The following LUZP2 variants were observed in gnomAD, a reference collection of about 807,000 sequenced individuals.
LUZP2 encodes the protein leucine zipper protein 2.
Under a neutral mutation model 51.6 loss-of-function variants are expected in LUZP2, and 52 were observed. The ratio of observed to expected loss-of-function variants is 1.01; its 90% CI spans 0.81 to 1.27. The LOEUF (loss-of-function observed/expected upper bound fraction) is 1.27. Ranked by LOEUF, LUZP2 falls within the 50% of genes most tolerant of loss-of-function variation. The pLI, the probability that LUZP2 is intolerant of heterozygous loss-of-function variation, is 0.00. For missense variants in LUZP2, 436 were observed against 395.4 expected (o/e 1.10, Z -0.87); for synonymous variants, 154 against 137.3 (o/e 1.12, Z -0.85).
rs182010368 is a variant in LUZP2, at chr11:25,077,310, T to G, written c.859-19T>G. Reference sequence around the variant, plus strand: ...TTTCTTTAACTTCATTGATGTATTTTTAATTGCTACTTTTGTAGGAGGGCA... The same window carrying G: ...TTTCTTTAACTTCATTGATGTATTTGTAATTGCTACTTTTGTAGGAGGGCA... On this transcript the variant is annotated intron_variant, in intron 10 of 11. Coordinates refer to ENST00000336930, the MANE Select transcript of LUZP2 (RefSeq NM_001009909.4). The G allele has an allele frequency of 1.9e-4, 295 of 1,593,748 alleles. No homozygotes were observed. Among genetic ancestry groups the G allele is most frequent in the Non-Finnish European group, 2.4e-4 (275 of 1,162,252 alleles).
chr11:24,961,121 A>G (rs1855385900), intron 7 of LUZP2, among the ~76,000 whole-genome samples: 1 of 152,086 alleles, frequency 6.6e-6, no homozygotes, highest in African/African-American at 2.4e-5. Flanking sequence ...ATAGTTTGTT[A>G]TAATTTCTGT....
chr11:24,706,868 G>A (rs1340662462), intron 1 of LUZP2, among the ~76,000 whole-genome samples: 3 of 151,288 alleles, frequency 2.0e-5, no homozygotes, highest in African/African-American at 7.3e-5. Flanking sequence ...CTCCTTCAGG[G>A]AACCTCTCTC....
At chr11:24,556,107 C>T (rs1054169782) in intron 1 of LUZP2, among the ~76,000 whole-genome samples, 1 of 152,166 alleles carries the variant, frequency 6.6e-6, no homozygotes, top group Admixed American at 6.5e-5. Flanking sequence ...GCTTTTTCAA[C>T]TGAAAAACAC....
intron 1 of LUZP2, among the ~76,000 whole-genome samples, chr11:24,530,974 ATTTCCAAATTTAAT>A (rs1020163945): frequency 6.7e-6 from 1 of 149,466 alleles, no homozygotes; most frequent in African/African-American, 2.4e-5. Flanking sequence ...TGTTCTAATT[ATTTCCAAATTTAAT>A]TTTACCTGAA....
intron 10 of LUZP2, among the ~76,000 whole-genome samples, chr11:25,076,360 A>G (rs2134061933): frequency 6.6e-6 from 1 of 152,302 alleles, no homozygotes; most frequent in South Asian, 2.1e-4. Flanking sequence ...TTCACAAATG[A>G]TTAAACTCTT....
In LUZP2 at chr11:24,825,033, G is replaced by C. The variant is rs1220584172; in HGVS notation, c.396+61725G>C. Among the ~76,000 whole-genome samples, 3 of 151,890 alleles carry C rather than the reference G, an allele frequency of 2.0e-5. No individual in the cohort carries two copies. The East Asian group carries it at 5.8e-4, about 29-fold the overall frequency. ...AAACATAAACACAAACATATATGTA[G>C]ATCTACATTTGTGTACACAAATGTG... On this transcript the variant is annotated intron_variant, in intron 5 of 11. Transcript: ENST00000336930.
At chr11:24,752,492 T>C (rs931522502) in intron 4 of LUZP2, among the ~76,000 whole-genome samples, 1 of 152,172 alleles carries the variant, frequency 6.6e-6, no homozygotes, top group Non-Finnish European at 1.5e-5. Context: ...GCAAGTGATA[T>C]GAGGATTAAT....
rs369133729 is a variant in LUZP2 at position 24,832,675 on chromosome 11, G to A, written c.396+69367G>A. ...ATTTTATATATACATATATATAAAT[G>A]TAGTTAGAAATAAAAAAATTAGAAT... is the stretch of plus-strand genomic sequence containing the variant. On this transcript the variant is annotated intron_variant, in intron 5 of 11. Coordinates refer to ENST00000336930, the MANE Select transcript of LUZP2 (RefSeq NM_001009909.4). 4.0e-5 allele frequency among the ~76,000 whole-genome samples: 6 copies of A among 151,626 alleles called. No homozygotes were observed. The East Asian group carries it at 9.7e-4, about 24-fold the overall frequency.
intron 1 of LUZP2, among the ~76,000 whole-genome samples, chr11:24,539,994 T>C (rs1459320240): frequency 6.6e-6 from 1 of 151,772 alleles, no homozygotes; most frequent in African/African-American, 2.4e-5. Flanking sequence ...ATATATATAT[T>C]CTCATTACAT....
chr11:24,976,785 G>A, intron 8 of LUZP2, 120 bp downstream of exon 8: 1 of 542,882 alleles, frequency 1.8e-6, no homozygotes, highest in Non-Finnish European at 2.9e-6. Flanking sequence ...TAGATGCTGT[G>A]TATATAAGAT....
At chr11:24,771,131 T>C (rs935835995) in intron 5 of LUZP2, among the ~76,000 whole-genome samples, 20 of 152,162 alleles carry the variant, frequency 1.3e-4, no homozygotes, top group Non-Finnish European at 2.1e-4. Flanking sequence ...TTTGTCTGCT[T>C]TAATTTTTCA....
chr11:24,951,401 CT>C (rs1327433563), intron 7 of LUZP2, among the ~76,000 whole-genome samples: 1 of 151,340 alleles, frequency 6.6e-6, no homozygotes. Context: ...AAATAAGGGC[CT>C]TGTCCATTAG....
At chr11:24,527,857 A>G (rs1157246624) in intron 1 of LUZP2, among the ~76,000 whole-genome samples, 2 of 151,372 alleles carry the variant, frequency 1.3e-5, no homozygotes, top group Non-Finnish European at 3.0e-5. Flanking sequence ...AAAATCTTTC[A>G]GACCCAAAGC....
chr11:24,818,688 C>G (rs144031356), intron 5 of LUZP2, among the ~76,000 whole-genome samples: 1 of 152,104 alleles, frequency 6.6e-6, no homozygotes, highest in East Asian at 1.9e-4. Flanking sequence ...ATATCATGCT[C>G]TATGTTATGC....
At chr11:24,924,955 AG>A (rs1486521488) in intron 7 of LUZP2, among the ~76,000 whole-genome samples, 2 of 152,258 alleles carry the variant, frequency 1.3e-5, no homozygotes, top group East Asian at 1.9e-4. Context: ...AGATTGTAAA[AG>A]TCTATCAAAC....
At chr11:24,729,899 C>T (rs902775012) in intron 2 of LUZP2, among the ~76,000 whole-genome samples, 3 of 151,806 alleles carry the variant, frequency 2.0e-5, no homozygotes, top group South Asian at 2.1e-4. Flanking sequence ...GAGGTAGATC[C>T]TATTGTGACA....
At chr11:24,751,477 C>T in intron 4 of LUZP2, 1 of 471,758 alleles carries the variant, frequency 2.1e-6, no homozygotes, top group Non-Finnish European at 2.8e-6. Flanking sequence ...ACAGCTCAGG[C>T]CTCTCCTGTC....
intron 1 of LUZP2, among the ~76,000 whole-genome samples, chr11:24,657,155 G>A (rs1300596045): frequency 2.0e-5 from 3 of 152,122 alleles, no homozygotes; most frequent in Admixed American, 6.6e-5. Context: ...CTACTTAGAA[G>A]GCTATTGTAG....
chr11:25,036,424 C>T (rs907092909), intron 9 of LUZP2, among the ~76,000 whole-genome samples: 1 of 151,872 alleles, frequency 6.6e-6, no homozygotes, highest in Admixed American at 6.6e-5. Context: ...AGAACCAACT[C>T]GGTTTCATTG....
Sources: allele counts gnomAD v4.1 joint callset (sites outside exome capture counted in the v4.1 genomes callset), GRCh38; gene constraint gnomAD v4.1.1; transcripts MANE v1.5; gene names NCBI Gene and HGNC (gene_info 2026-07-23, HGNC 2026-07-21).